RBFOX3: variants seen among roughly 807,000 people sequenced by gnomAD.
The protein encoded by RBFOX3 is RNA binding protein fox-1 homolog 3.
In RBFOX3, 17 loss-of-function variants were observed where a neutral mutation model predicts 48.7. The ratio of observed to expected loss-of-function variants is 0.35; its 90% confidence interval spans 0.24 to 0.52. The LOEUF (loss-of-function observed/expected upper bound fraction) is 0.52. Ranked by LOEUF, RBFOX3 falls within the 20% of genes least tolerant of loss-of-function variation. RBFOX3 has a pLI of 0.94. For synonymous variants in RBFOX3, 212 were observed against 209.5 expected, an observed-to-expected ratio of 1.01 and a Z score of -0.10; for missense variants, 382 against 497.5, an observed-to-expected ratio of 0.77 and a Z score of 2.21.
At position 79,128,631 on chromosome 17, in the gene RBFOX3, G is replaced by T. The variant is rs59802787; in HGVS notation, c.-33-12883C>A. 1.2e-3 allele frequency among the ~76,000 whole-genome samples: 183 copies of T among 152,326 alleles called. 1 individual carries two copies. The highest frequency in any genetic ancestry group is 4.3e-3 in the African/African-American group (179 of 41,566). On this transcript the variant is annotated intron_variant, in intron 4 of 14. Coordinates refer to ENST00000693108, the MANE Select transcript of RBFOX3 (RefSeq NM_001350451.2). ...AGCATCCCTGCCGGATGAGAGCAGA[G>T]GCCCCTGACCAGCATGGAACACCCC...
chr17:79,477,509 TC>T lies in RBFOX3; in HGVS notation c.-175+4944del, dbSNP rs1830536857. ...AGGCGGAGTTTGCAGTGAGCTGAGA[TC>T]GCCCCATCGCACTCCAGCCTGGGCG... is the stretch of plus-strand genomic sequence containing the variant. On this transcript the variant is annotated intron_variant, in intron 2 of 14. Transcript: ENST00000693108. This position sits in a 1 kb window ranked among gnomAD's most constrained non-coding sequence, Gnocchi z 4.8. Among the ~76,000 whole-genome samples, 1 of 150,578 alleles carries T rather than the reference TC, an allele frequency of 6.6e-6. No individual in the cohort carries two copies.
At chr17:79,134,021 C>G (rs937502346) in intron 4 of RBFOX3, among the ~76,000 whole-genome samples, 8 of 152,180 alleles carry the variant, frequency 5.3e-5, no homozygotes, top group African/African-American at 1.7e-4. Context: ...GCAAATGGAA[C>G]AGGATATTAA....
intron 1 of RBFOX3, among the ~76,000 whole-genome samples, chr17:79,509,150 A>G (rs1464941990): frequency 6.6e-6 from 1 of 151,540 alleles, no homozygotes; most frequent in Non-Finnish European, 1.5e-5. Context: ...TAAATCAACC[A>G]CTGCCCCCAT....
At chr17:79,329,794 G>C (rs193096566) in intron 2 of RBFOX3, among the ~76,000 whole-genome samples, 1 of 152,118 alleles carries the variant, frequency 6.6e-6, no homozygotes, top group Non-Finnish European at 1.5e-5. Context: ...CTCCCATCCC[G>C]GTTCCTCTTC....
chr17:79,550,792 G>A (rs2091067902), intron 1 of RBFOX3, among the ~76,000 whole-genome samples: 1 of 151,530 alleles, frequency 6.6e-6, no homozygotes, highest in Non-Finnish European at 1.5e-5. Context: ...TGGATGGATG[G>A]ATGGTCAGTG....
At chr17:79,600,247 T>G (rs995450693) in intron 1 of RBFOX3, 1 of 152,332 alleles carries the variant, frequency 6.6e-6, no homozygotes, top group Admixed American at 6.5e-5. Context: ...CAGGTACATG[T>G]GGGTACACAA....
At chr17:79,585,629 G>C (rs2093224895) in intron 1 of RBFOX3, among the ~76,000 whole-genome samples, 1 of 152,130 alleles carries the variant, frequency 6.6e-6, no homozygotes, top group Non-Finnish European at 1.5e-5. Context: ...GAATATTCAG[G>C]AGGAGGGGCC....
At chr17:79,424,395 G>T (rs1318565649) in intron 2 of RBFOX3, among the ~76,000 whole-genome samples, 1 of 152,108 alleles carries the variant, frequency 6.6e-6, no homozygotes, top group South Asian at 2.1e-4. Flanking sequence ...GGCTTGGCAG[G>T]AAAGAACAGC....
chr17:79,656,829 GAAAA>G, the RBFOX3 span, among the ~76,000 whole-genome samples: 2 of 123,064 alleles, frequency 1.6e-5, no homozygotes, highest in Non-Finnish European at 3.3e-5. Flanking sequence ...AAGAAAGAAA[GAAAA>G]GAAAGAAAGA....
At chr17:79,601,931 GC>G (rs2093713419) in intron 1 of RBFOX3, 1 of 152,204 alleles carries the variant, frequency 6.6e-6, no homozygotes, top group Non-Finnish European at 1.5e-5. Flanking sequence ...TGGCAATGCT[GC>G]CGACGCACAC....
At chr17:79,593,899 C>A (rs2093494005) in intron 1 of RBFOX3, among the ~76,000 whole-genome samples, 1 of 152,114 alleles carries the variant, frequency 6.6e-6, no homozygotes, top group Non-Finnish European at 1.5e-5. Flanking sequence ...CCAAAACCCG[C>A]TGGCACTTGT....
At chr17:79,154,435 C>T (rs1329773395) in intron 4 of RBFOX3, among the ~76,000 whole-genome samples, 22 of 152,216 alleles carry the variant, frequency 1.4e-4, no homozygotes, top group Non-Finnish European at 2.1e-4. Flanking sequence ...GGTGCTGTCA[C>T]GATGCCCGGC....
intron 1 of RBFOX3, among the ~76,000 whole-genome samples, chr17:79,583,425 C>T (rs2093142987): frequency 6.6e-6 from 1 of 152,210 alleles, no homozygotes; most frequent in Non-Finnish European, 1.5e-5. Context: ...TCACGCAGTG[C>T]CCCACAGTGA....
At chr17:79,183,216 C>A (rs1167244933) in intron 4 of RBFOX3, 1 of 149,808 alleles carries the variant, frequency 6.7e-6, no homozygotes, top group Non-Finnish European at 1.5e-5. Context: ...CAGCGCGGGG[C>A]GCACGTGCGC....
At chr17:79,369,299 G>A (rs1002573496) in intron 2 of RBFOX3, among the ~76,000 whole-genome samples, 8 of 152,024 alleles carry the variant, frequency 5.3e-5, no homozygotes, top group Admixed American at 1.3e-4. Flanking sequence ...CAAAGGCACC[G>A]GAGTTTCTAC....
In RBFOX3 at chr17:79,421,034, G is replaced by C. The variant is rs1401546567; in HGVS notation, c.-175+61420C>G. Among the ~76,000 whole-genome samples, 2 of 151,624 alleles carry C rather than the reference G, an allele frequency of 1.3e-5. No individual in the cohort carries two copies. Among genetic ancestry groups the C allele is most frequent in the Admixed American group, 1.3e-4 (2 of 15,230 alleles). On this transcript the variant is annotated intron_variant, in intron 2 of 14. Transcript: ENST00000693108. This position sits in a 1 kb window ranked among gnomAD's most constrained non-coding sequence, Gnocchi z 4.5. The stretch of plus-strand genomic sequence containing the variant: ...TGAGCCTCCCCTGGTGGGTTGAGGG[G>C]CTTCCCTACTGGGTGAGCCTCCCCA...
intron 2 of RBFOX3, among the ~76,000 whole-genome samples, chr17:79,354,829 C>A (rs1364167999): frequency 2.6e-5 from 4 of 152,206 alleles, no homozygotes; most frequent in Non-Finnish European, 5.9e-5. Flanking sequence ...ATTTTTAGTT[C>A]CACAAGACAA....
intron 4 of RBFOX3, among the ~76,000 whole-genome samples, chr17:79,130,473 G>A (rs1280584821): frequency 2.0e-5 from 3 of 152,240 alleles, no homozygotes; most frequent in Non-Finnish European, 4.4e-5. Flanking sequence ...AGGCTGGGCC[G>A]CTGTGGTCCC....
chr17:79,499,330 G>A (rs1033258029), intron 1 of RBFOX3, among the ~76,000 whole-genome samples: 73 of 147,940 alleles, frequency 4.9e-4, no homozygotes, highest in South Asian at 2.4e-3. Flanking sequence ...ATCCATCCAC[G>A]CATCCAACCT....
Sources: gnomAD v4.1 joint callset for allele counts (sites outside exome capture counted in the v4.1 genomes callset) on GRCh38, gnomAD v4.1.1 for gene constraint, Gnocchi (gnomAD v3.1) non-coding constraint, MANE v1.5 for transcripts, NCBI Gene and HGNC (gene_info 2026-07-23, HGNC 2026-07-21) for gene names.